FHIT: variants seen among roughly 807,000 people sequenced by gnomAD.
The protein encoded by FHIT is bis(5'-adenosyl)-triphosphatase.
A neutral mutation model predicts 17.9 loss-of-function variants in FHIT; 19 were observed. That is an observed-to-expected ratio of 1.06 (90% CI 0.74 to 1.56). The LOEUF is 1.56. Ranked by LOEUF, FHIT falls within the 40% of genes most tolerant of loss-of-function variation. FHIT has a pLI of 0.00. For synonymous variants in FHIT, 81 were observed against 69.7 expected (o/e 1.16, Z -0.81); for missense variants, 248 against 189.2 (o/e 1.31, Z -1.82).
chr3:60,836,352 A>C lies in FHIT; in HGVS notation c.-110-14341T>G, dbSNP rs117246847. On this transcript the variant is annotated intron_variant, in intron 3 of 9. Coordinates refer to ENST00000492590, the MANE Select transcript of FHIT (RefSeq NM_002012.4). Reference sequence around the variant, plus strand: ...GAAGAGACTGTATAAAACTCCTATTAATTATTCTTTAAATGTTTGGTAAAA... The same window carrying C: ...GAAGAGACTGTATAAAACTCCTATTCATTATTCTTTAAATGTTTGGTAAAA... Among the ~76,000 whole-genome samples the C allele has an allele frequency of 2.7e-4, 41 of 152,224 alleles. No homozygotes were observed. The East Asian group carries it at 7.9e-3, about 29-fold the overall frequency.
At chr3:60,304,134 C>T (rs1576447931) in intron 5 of FHIT, among the ~76,000 whole-genome samples, 1 of 152,130 alleles carries the variant, frequency 6.6e-6, no homozygotes, top group Admixed American at 6.6e-5. Flanking sequence ...CACACTAATA[C>T]ATTTATTAAG....
intron 8 of FHIT, among the ~76,000 whole-genome samples, chr3:59,807,820 C>T (rs1260873656): frequency 6.6e-6 from 1 of 152,106 alleles, no homozygotes; most frequent in Non-Finnish European, 1.5e-5. Flanking sequence ...ACATTAACAA[C>T]GTGGGCCGTG....
intron 5 of FHIT, among the ~76,000 whole-genome samples, chr3:60,084,351 C>A (rs1044200821): frequency 5.9e-5 from 9 of 152,256 alleles, no homozygotes; most frequent in Admixed American, 1.3e-4. Context: ...TCCATTTCCC[C>A]AGTTCCAACC....
intron 2 of FHIT, among the ~76,000 whole-genome samples, chr3:61,109,846 T>C (rs1169521856): frequency 6.6e-6 from 1 of 152,146 alleles, no homozygotes; most frequent in Non-Finnish European, 1.5e-5. Flanking sequence ...GCCAAACACC[T>C]TGGAGTCCAC....
At chr3:60,512,686 G>C (rs996306947) in intron 5 of FHIT, among the ~76,000 whole-genome samples, 1 of 152,184 alleles carries the variant, frequency 6.6e-6, no homozygotes, top group South Asian at 2.1e-4. Flanking sequence ...TACTGATGCA[G>C]AGGCAAGGGG....
chr3:60,061,126 T>C (rs1284528419), intron 5 of FHIT, among the ~76,000 whole-genome samples: 1 of 152,182 alleles, frequency 6.6e-6, no homozygotes, highest in African/African-American at 2.4e-5. Flanking sequence ...AATAATAGGA[T>C]GGGGAAAGAG....
intron 5 of FHIT, among the ~76,000 whole-genome samples, chr3:60,176,817 C>T (rs1360382595): frequency 6.6e-6 from 1 of 152,180 alleles, no homozygotes; most frequent in Non-Finnish European, 1.5e-5. Context: ...GGAAGTCCTG[C>T]TCTAGCCTTT....
In FHIT at chr3:59,788,881, G is replaced by GTTTTTTTTTGTTTTTTTTT. The variant is rs1553677015; in HGVS notation, c.349-36561_349-36560insAAAAAAAAACAAAAAAAAA. ...ACCACGTTCTTTGCTGAGTTCATATGTTTTTTTTTTTTACCCCATCTCCAA... is the reference window on the plus strand; with the variant it reads ...ACCACGTTCTTTGCTGAGTTCATATGTTTTTTTTTGTTTTTTTTTTTTTTTTTTTTTACCCCATCTCCAA... On this transcript the variant is annotated intron_variant, in intron 8 of 9. Transcript: ENST00000492590. Among the ~76,000 whole-genome samples the GTTTTTTTTTGTTTTTTTTT allele has an allele frequency of 3.2e-3, 274 of 86,838 alleles. 25 individuals carry two copies. Among genetic ancestry groups the GTTTTTTTTTGTTTTTTTTT allele is most frequent in the Non-Finnish European group, 4.3e-3 (212 of 49,068 alleles). The allele number at this position is 86,838 out of a possible 152,430, so 57.0% of individuals were successfully genotyped here.
chr3:60,276,983 G>A (rs1015850673), intron 5 of FHIT, among the ~76,000 whole-genome samples: 1 of 151,950 alleles, frequency 6.6e-6, no homozygotes, highest in Non-Finnish European at 1.5e-5. Context: ...ACCAACAATG[G>A]GGATTACATT....
rs1332000137 is a variant in FHIT, at chr3:59,777,233, T to A, written c.349-24912A>T. On this transcript the variant is annotated intron_variant, in intron 8 of 9. Transcript: ENST00000492590. ...AACCAGGTGGTCTCATTCAAGGCCA[T>A]GGCTTTAAATACTATCTCCTATGAC... is the stretch of plus-strand genomic sequence containing the variant. Among the ~76,000 whole-genome samples, 10 of 152,214 alleles carry A rather than the reference T, an allele frequency of 6.6e-5. No homozygotes were observed. The East Asian group carries it at 1.9e-3, about 29-fold the overall frequency.
At chr3:60,180,624 C>A (rs911304525) in intron 5 of FHIT, among the ~76,000 whole-genome samples, 3 of 152,098 alleles carry the variant, frequency 2.0e-5, no homozygotes, top group Non-Finnish European at 4.4e-5. Context: ...ATAAAATGTA[C>A]ATTTTATATT....
chr3:61,132,579 T>A (rs143846251), intron 2 of FHIT, among the ~76,000 whole-genome samples: 2,153 of 152,104 alleles, frequency 0.014, 27 homozygotes, highest in Non-Finnish European at 0.021. Context: ...AATGTGACAT[T>A]TACATAGGGC....
chr3:60,682,665 T>C (rs1021285114), intron 4 of FHIT, among the ~76,000 whole-genome samples: 1 of 152,184 alleles, frequency 6.6e-6, no homozygotes, highest in Non-Finnish European at 1.5e-5. Flanking sequence ...AGAGTTCTGA[T>C]GGAGATGTAA....
At chr3:60,392,317 T>C (rs1701265424) in intron 5 of FHIT, among the ~76,000 whole-genome samples, 1 of 152,204 alleles carries the variant, frequency 6.6e-6, no homozygotes, top group Non-Finnish European at 1.5e-5. Flanking sequence ...TCGCTGATGC[T>C]TTACAAGAAG....
chr3:60,003,607 T>G (rs1212050082), intron 7 of FHIT, among the ~76,000 whole-genome samples: 1 of 152,102 alleles, frequency 6.6e-6, no homozygotes, highest in Non-Finnish European at 1.5e-5. Flanking sequence ...TAGCTAGGCA[T>G]GGTGGCTCGG....
chr3:60,412,204 C>G (rs1307970914), intron 5 of FHIT, among the ~76,000 whole-genome samples: 18 of 152,026 alleles, frequency 1.2e-4, no homozygotes, highest in Admixed American at 1.2e-3. Context: ...GTGAGACTCC[C>G]ATCTCTAAAG....
In FHIT at chr3:60,664,363, T is replaced by C. The variant is rs2040333102; in HGVS notation, c.-17-127384A>G. Among the ~76,000 whole-genome samples, 3 of 152,176 alleles carry C rather than the reference T, an allele frequency of 2.0e-5. No homozygotes were observed. The South Asian group carries it at 6.2e-4, about 32-fold the overall frequency. On this transcript the variant is annotated intron_variant, in intron 4 of 9. Transcript: ENST00000492590. ...CATATTACATAATTCTTTTTATTCT[T>C]TGCTATTATTTCATTAAGAATTTCT...
intron 2 of FHIT, among the ~76,000 whole-genome samples, chr3:61,082,449 A>C (rs1249751600): frequency 6.6e-6 from 1 of 152,204 alleles, no homozygotes; most frequent in Non-Finnish European, 1.5e-5. Context: ...CATTATGTGA[A>C]TATACCCTTT....
chr3:60,289,404 C>T (rs377612271), intron 5 of FHIT, among the ~76,000 whole-genome samples: 2 of 152,228 alleles, frequency 1.3e-5, no homozygotes, highest in East Asian at 1.9e-4. Context: ...TAATTTATAG[C>T]TCCAGAAAAT....
Sources: gnomAD v4.1 joint callset for allele counts (sites outside exome capture counted in the v4.1 genomes callset) on GRCh38, gnomAD v4.1.1 for gene constraint, MANE v1.5 for transcripts, NCBI Gene and HGNC (gene_info 2026-07-23, HGNC 2026-07-21) for gene names.